The following SLC6A5 variants were observed in gnomAD, a reference collection of about 807,000 sequenced individuals.
SLC6A5 encodes the protein sodium- and chloride-dependent glycine transporter 2.
In SLC6A5, 58 loss-of-function variants were observed where a neutral mutation model predicts 90.5. The ratio of observed to expected loss-of-function variants is 0.64; its 90% CI spans 0.52 to 0.80. The LOEUF is 0.80. Ranked by LOEUF, SLC6A5 falls within the 30% of genes least tolerant of loss-of-function variation. SLC6A5 has a pLI of 0.00. For synonymous variants in SLC6A5, 427 were observed against 401.4 expected (o/e 1.06, Z -0.76); for missense variants, 1,015 against 1,017.6 (o/e 1.00, Z 0.03).
chr11:20,610,762 AT>A, intron 5 of SLC6A5, among the ~76,000 whole-genome samples: 1 of 152,262 alleles, frequency 6.6e-6, no homozygotes, highest in East Asian at 1.9e-4. Flanking sequence ...TGAAGTGGAG[AT>A]TCTCAACCAG....
chr11:20,622,483 C>A (rs1427649526), intron 7 of SLC6A5, among the ~76,000 whole-genome samples: 1 of 152,186 alleles, frequency 6.6e-6, no homozygotes, highest in African/African-American at 2.4e-5. Context: ...CATTTCTCAT[C>A]ATGTGGCCCA....
chr11:20,604,260 T>A, intron 2 of SLC6A5, 26 bp from the exon 3 acceptor site: 2 of 1,598,118 alleles, frequency 1.3e-6, no homozygotes, highest in Non-Finnish European at 1.7e-6. Context: ...GGGGCTGTTA[T>A]CGACAATGTG....
intron 3 of SLC6A5, among the ~76,000 whole-genome samples, chr11:20,605,387 A>T (rs192531512): frequency 6.6e-6 from 1 of 152,316 alleles, no homozygotes; most frequent in Non-Finnish European, 1.5e-5. Context: ...GGACGGTTAA[A>T]GCGCAAAACA....
At chr11:20,624,714 C>G (rs1314764920) in intron 7 of SLC6A5, among the ~76,000 whole-genome samples, 1 of 152,184 alleles carries the variant, frequency 6.6e-6, no homozygotes, top group South Asian at 2.1e-4. Flanking sequence ...CCATGGATCC[C>G]GAGAGCCCAG....
In SLC6A5 at chr11:20,656,071, T is replaced by G. The variant is rs1300715650; in HGVS notation, c.*1203T>G. 1 of 152,180 alleles carries G rather than the reference T, an allele frequency of 6.6e-6. No individual in the cohort carries two copies. The allele number at this position is 152,180 out of a possible 1,614,324, so 9.4% of individuals were successfully genotyped here. A position where few individuals can be genotyped will look rare whatever the true frequency, so the allele number is the denominator to read the frequency against. On this transcript the variant is annotated 3_prime_UTR_variant, in exon 16 of 16. Transcript: ENST00000525748. ...TAAGACTACATTTAGCCAATTCAATTTTAAGAGTTCCCTATTCACAGTACT... is the reference window on the plus strand; with the variant it reads ...TAAGACTACATTTAGCCAATTCAATGTTAAGAGTTCCCTATTCACAGTACT...
At chr11:20,631,995 G>A (rs1376506033) in intron 10 of SLC6A5, among the ~76,000 whole-genome samples, 1 of 152,216 alleles carries the variant, frequency 6.6e-6, no homozygotes, top group Admixed American at 6.5e-5. Flanking sequence ...TCTCCCTGGA[G>A]AGAGTGTAAA....
intron 7 of SLC6A5, among the ~76,000 whole-genome samples, chr11:20,622,306 T>A (rs1852907149): frequency 1.3e-5 from 2 of 152,152 alleles, no homozygotes; most frequent in South Asian, 4.1e-4. Flanking sequence ...AATGAATGCA[T>A]CACCTGGGTG....
In SLC6A5 at chr11:20,637,241, C is replaced by G; in HGVS notation, c.1807C>G (p.Pro603Ala). The G allele has an allele frequency of 6.2e-7, 1 of 1,613,814 alleles. No individual in the cohort carries two copies. Residue 603 changes from proline (P) to alanine (A), a missense_variant, in exon 12 of 16, where the codon CCA becomes GCA. This residue lies in a region of SLC6A5 where 442 missense variants were observed against 494.3 expected (regional missense o/e 0.89). Coordinates refer to ENST00000525748, the MANE Select transcript of SLC6A5 (RefSeq NM_004211.5). The stretch of plus-strand genomic sequence containing the variant: ...TCCCAAGTACCTACGCACACACAAG[C>G]CAGTGTTTACTCTGGGCTGCTGCAT... ...EFPKYLRTHKPVFTLGCCICF... is the reference protein window; with the variant it reads ...EFPKYLRTHKAVFTLGCCICF...
At position 20,624,932 on chromosome 11, in the gene SLC6A5, A is replaced by G. The variant is rs140416040; in HGVS notation, c.1261-1776A>G. Reference sequence around the variant, plus strand: ...TTGTAAGTGACACTGTACTCTTCCAATAGCCCCATGAAGAATCTACTATTG... The same window carrying G: ...TTGTAAGTGACACTGTACTCTTCCAGTAGCCCCATGAAGAATCTACTATTG... On this transcript the variant is annotated intron_variant, in intron 7 of 15. Transcript: ENST00000525748. 3.5e-4 allele frequency among the ~76,000 whole-genome samples: 53 copies of G among 152,284 alleles called. 1 individual carries two copies. The East Asian group carries it at 9.7e-3, about 28-fold the overall frequency.
intron 7 of SLC6A5, among the ~76,000 whole-genome samples, chr11:20,622,684 C>T (rs552855270): frequency 1.3e-5 from 2 of 152,318 alleles, no homozygotes; most frequent in South Asian, 4.1e-4. Flanking sequence ...GTCTAAACAG[C>T]CTCCAACAGT....
At chr11:20,644,524 A>G (rs747033271) in intron 13 of SLC6A5, among the ~76,000 whole-genome samples, 7 of 152,244 alleles carry the variant, frequency 4.6e-5, no homozygotes, top group African/African-American at 7.2e-5. Context: ...CAATAAACAT[A>G]AGAGTGCAGA....
At chr11:20,602,691 G>GCA (rs3045384) in intron 2 of SLC6A5, among the ~76,000 whole-genome samples, 95 of 150,592 alleles carry the variant, frequency 6.3e-4, no homozygotes, top group South Asian at 1.5e-3. Context: ...TTTAGTGTTT[G>GCA]CACACACACA....
In SLC6A5 at chr11:20,658,050, A is replaced by T. The variant is rs1384595045; in HGVS notation, c.*3182A>T. The T allele has an allele frequency of 2.6e-5, 4 of 152,226 alleles. No individual in the cohort carries two copies. The highest frequency in any genetic ancestry group is 5.9e-5 in the Non-Finnish European group (4 of 68,040). 9.4% of individuals were successfully genotyped at this position (152,226 alleles called of 1,614,324 possible). A position where few individuals can be genotyped will look rare whatever the true frequency, so the allele number is the denominator to read the frequency against. On this transcript the variant is annotated 3_prime_UTR_variant, in exon 16 of 16. Coordinates refer to ENST00000525748, the MANE Select transcript of SLC6A5 (RefSeq NM_004211.5). Reference sequence around the variant, plus strand: ...AAGAAATGTAATCAACTTGTATTTCAGTAAGCAGCACTTTAAAAAGAGTTT... The same window carrying T: ...AAGAAATGTAATCAACTTGTATTTCTGTAAGCAGCACTTTAAAAAGAGTTT...
At chr11:20,638,971 T>G (rs542270296) in intron 13 of SLC6A5, among the ~76,000 whole-genome samples, 6 of 152,266 alleles carry the variant, frequency 3.9e-5, no homozygotes, top group Non-Finnish European at 1.5e-5. Flanking sequence ...CCCTGGGTAC[T>G]GTAGTGAGAA....
In SLC6A5 at chr11:20,655,169, A is replaced by G. The variant is rs1853620579; in HGVS notation, c.*301A>G. The G allele has an allele frequency of 2.5e-6, 1 of 406,256 alleles. No homozygotes were observed. Among genetic ancestry groups the G allele is most frequent in the South Asian group, 2.1e-5 (1 of 48,328 alleles). The allele number at this position is 406,256 out of a possible 1,614,324, so 25.2% of individuals were successfully genotyped here. On this transcript the variant is annotated 3_prime_UTR_variant, in exon 16 of 16. Coordinates refer to ENST00000525748, the MANE Select transcript of SLC6A5 (RefSeq NM_004211.5). ...ATCAGTTAGGTGAGCACTGGTAGGTATGCGTGGTTTTGTCAATAGAGAGGT... is the reference window on the plus strand; with the variant it reads ...ATCAGTTAGGTGAGCACTGGTAGGTGTGCGTGGTTTTGTCAATAGAGAGGT...
At chr11:20,619,535 T>C (rs1180198743) in intron 7 of SLC6A5, among the ~76,000 whole-genome samples, 2 of 152,236 alleles carry the variant, frequency 1.3e-5, no homozygotes, top group East Asian at 1.9e-4. Context: ...GCCCTTGTCC[T>C]TGGGGACTTC....
intron 7 of SLC6A5, among the ~76,000 whole-genome samples, chr11:20,621,576 T>C (rs10741848): frequency 0.61 from 93,496 of 152,104 alleles, 29,033 homozygotes; most frequent in South Asian, 0.7. Flanking sequence ...TGAAGAATAC[T>C]ACCAGAAATA....
rs1168242399 is a variant in SLC6A5, at chr11:20,601,313, A to T, written c.188A>T (p.Gln63Leu). The T allele has an allele frequency of 3.1e-6, 5 of 1,592,724 alleles. No individual in the cohort carries two copies. The South Asian group carries it at 3.4e-5, about 11-fold the overall frequency. The part of the protein sequence containing the change: ...RSASTGAQTF[Q>L]SADARACEAE... Reference sequence around the variant, plus strand: ...GCTTCCACCGGCGCCCAAACTTTCCAGTCAGCGGACGCGCGAGCCTGCGAG... The same window carrying T: ...GCTTCCACCGGCGCCCAAACTTTCCTGTCAGCGGACGCGCGAGCCTGCGAG... The change falls in exon 2 of 16, where the codon CAG (glutamine) becomes CTG (leucine). Residue 63 changes from glutamine (Q) to leucine (L), a missense_variant. Coordinates refer to ENST00000525748, the MANE Select transcript of SLC6A5 (RefSeq NM_004211.5).
intron 5 of SLC6A5, 101 bp downstream of exon 5, chr11:20,607,753 G>A (rs562740708): frequency 9.3e-4 from 839 of 904,830 alleles, no homozygotes; most frequent in South Asian, 1.9e-3. Flanking sequence ...ACCTATACTA[G>A]GTTCTGGGAA....
Sources: allele counts gnomAD v4.1 joint callset (sites outside exome capture counted in the v4.1 genomes callset), GRCh38; gene constraint gnomAD v4.1.1; regional missense constraint gnomAD v4.1.1; transcripts MANE v1.5; gene names NCBI Gene and HGNC (gene_info 2026-07-23, HGNC 2026-07-21).